PLEKHH2: variants seen among roughly 807,000 people sequenced by gnomAD.
PLEKHH2 encodes pleckstrin homology domain-containing family H member 2.
In PLEKHH2, 129 loss-of-function variants were observed where a neutral mutation model predicts 187.9. The observed-to-expected ratio is 0.69, with a 90% CI of 0.59 to 0.79. The LOEUF (loss-of-function observed/expected upper bound fraction) is 0.79, where lower values mean the gene tolerates loss of function less well. Among genes scored for constraint, PLEKHH2 ranks in the 30% least tolerant of loss-of-function variants. PLEKHH2 has a pLI of 0.00. For synonymous variants in PLEKHH2, 686 were observed against 605.6 expected (o/e 1.13, Z -1.95); for missense variants, 2,076 against 1,751.2 (o/e 1.19, Z -3.31).
In PLEKHH2 at chr2:43,766,771, T is replaced by C. The variant is rs1384142811; in HGVS notation, c.*1173T>C. The C allele has an allele frequency of 6.6e-6, 1 of 152,054 alleles. No individual in the cohort carries two copies. Among genetic ancestry groups the C allele is most frequent in the East Asian group, 1.9e-4 (1 of 5,180 alleles). The allele number at this position is 152,054 out of a possible 1,614,324, so 9.4% of individuals were successfully genotyped here. ...CACCACCATGCCCATCTAATATTTG[T>C]ATTTTTAGTAGAGACAGGATCTCCC... is the stretch of plus-strand genomic sequence containing the variant. On this transcript the variant is annotated 3_prime_UTR_variant, in exon 30 of 30. Transcript: ENST00000282406.
At chr2:43,678,745 T>C (rs1476676850) in intron 2 of PLEKHH2, 118 bp from the exon 3 acceptor site, 3 of 624,108 alleles carry the variant, frequency 4.8e-6, no homozygotes, top group Non-Finnish European at 8.6e-6. Flanking sequence ...GAAGTGGAGG[T>C]GGAGGTGGAG....
Position 43,712,719 on chromosome 2 carries a change from C to T in PLEKHH2, c.2460+336C>T, listed in dbSNP as rs145696758. On this transcript the variant is annotated intron_variant, in intron 15 of 29. Coordinates refer to ENST00000282406, the MANE Select transcript of PLEKHH2 (RefSeq NM_172069.4). ...AACACGTTTTTTTCTAATCAGTAAG[C>T]AAACAATGAACACCAATTGGGGGAA... 3.5e-3 allele frequency among the ~76,000 whole-genome samples: 537 copies of T among 152,032 alleles called. 2 individuals carry two copies. The highest frequency in any genetic ancestry group is 0.013 in the African/African-American group (518 of 41,438).
In PLEKHH2 at chr2:43,729,653, A is replaced by T; in HGVS notation, c.2738A>T (p.His913Leu). The T allele has an allele frequency of 6.2e-7, 1 of 1,602,010 alleles. No individual in the cohort carries two copies. The highest frequency in any genetic ancestry group is 8.5e-7 in the Non-Finnish European group (1 of 1,175,810). The change falls in exon 18 of 30, where the codon CAT (histidine) becomes CTT (leucine). Residue 913 changes from histidine to leucine, a missense_variant. Coordinates refer to ENST00000282406, the MANE Select transcript of PLEKHH2 (RefSeq NM_172069.4). ...SKHEKDTWLY[H>L]LTVAAGSNNV... ...GGTTTTAAGGACACTTGGCTTTATCATCTGACTGTTGCAGCTGGAAGCAAC... is the reference window on the plus strand; with the variant it reads ...GGTTTTAAGGACACTTGGCTTTATCTTCTGACTGTTGCAGCTGGAAGCAAC...
chr2:43,705,675 G>A (rs762210534), intron 9 of PLEKHH2, among the ~76,000 whole-genome samples: 1 of 152,158 alleles, frequency 6.6e-6, no homozygotes, highest in East Asian at 1.9e-4. Context: ...AGGCTGTAGT[G>A]CAGTGGCATG....
At chr2:43,759,391 G>C (rs528025240) in intron 27 of PLEKHH2, among the ~76,000 whole-genome samples, 1 of 152,312 alleles carries the variant, frequency 6.6e-6, no homozygotes, top group Non-Finnish European at 1.5e-5. Context: ...CTAAGCTCTA[G>C]GGATACATAA....
rs1411193061 is a variant in PLEKHH2 at position 43,765,635 on chromosome 2, AT to A, written c.*38del. On this transcript the variant is annotated 3_prime_UTR_variant, in exon 30 of 30. Transcript: ENST00000282406. The stretch of plus-strand genomic sequence containing the variant: ...CCTGAACATTCACTCCTTGTCCTCC[AT>A]GCTGTGGCTGTATCAGCTCCCTACA... 3.1e-6 allele frequency: 5 copies of A among 1,592,576 alleles called. No individual in the cohort carries two copies. In the African/African-American group the frequency reaches 6.7e-5, roughly 21 times the overall value.
intron 2 of PLEKHH2, chr2:43,675,333 T>G: frequency 7.2e-7 from 1 of 1,397,224 alleles, no homozygotes; most frequent in Non-Finnish European, 9.6e-7. Flanking sequence ...TAGCCACATT[T>G]CAAGTGCTCT....
chr2:43,746,046 A>T, intron 24 of PLEKHH2, 83 bp downstream of exon 24: 1 of 775,958 alleles, frequency 1.3e-6, no homozygotes, highest in South Asian at 3.2e-5. Context: ...TTTCTATTGA[A>T]TGCCTTAAAA....
At chr2:43,643,901 C>T (rs933453875) in intron 1 of PLEKHH2, among the ~76,000 whole-genome samples, 6 of 152,134 alleles carry the variant, frequency 3.9e-5, no homozygotes, top group African/African-American at 1.2e-4. Flanking sequence ...TGTCCTCCCC[C>T]TTACAGTGCT....
chr2:43,762,815 A>G (rs530053762), intron 28 of PLEKHH2, among the ~76,000 whole-genome samples: 52 of 152,344 alleles, frequency 3.4e-4, no homozygotes, highest in African/African-American at 1.2e-3. Context: ...TTTATATAGC[A>G]TCTTAGCACT....
chr2:43,679,098 A>C (rs1456631007), intron 3 of PLEKHH2, among the ~76,000 whole-genome samples, 173 bp downstream of exon 3: 1 of 152,296 alleles, frequency 6.6e-6, no homozygotes, highest in Admixed American at 6.5e-5. Context: ...TCCATTAACA[A>C]ATTTTCAAAA....
rs1354299717 is a variant in PLEKHH2, at chr2:43,747,681, T to G, written c.3653+1718T>G. Among the ~76,000 whole-genome samples the G allele has an allele frequency of 3.9e-5, 6 of 152,182 alleles. No homozygotes were observed. The East Asian group carries it at 1.2e-3, about 29-fold the overall frequency. On this transcript the variant is annotated intron_variant, in intron 24 of 29. Transcript: ENST00000282406. ...TGTTAACTGACCAGCTCACATTAAT[T>G]ATAACAAAATAATGGTATTTTGCTG...
chr2:43,746,606 T>C (rs1671787455), intron 24 of PLEKHH2, among the ~76,000 whole-genome samples: 1 of 152,196 alleles, frequency 6.6e-6, no homozygotes, highest in African/African-American at 2.4e-5. Flanking sequence ...GAGTAGTTGA[T>C]ACAAGGATGC....
intron 4 of PLEKHH2, among the ~76,000 whole-genome samples, chr2:43,692,895 C>T (rs183177138): frequency 9.2e-5 from 14 of 152,146 alleles, no homozygotes; most frequent in Middle Eastern, 3.4e-3. Context: ...TGAGAATGCT[C>T]GTTAATATTC....
chr2:43,702,798 A>G (rs911223145), intron 8 of PLEKHH2, among the ~76,000 whole-genome samples: 4 of 152,168 alleles, frequency 2.6e-5, no homozygotes, highest in African/African-American at 9.7e-5. Context: ...TGCAAATTAC[A>G]ATAGTCACTC....
At chr2:43,696,260 GC>G (rs1669084353) in intron 6 of PLEKHH2, among the ~76,000 whole-genome samples, 1 of 152,072 alleles carries the variant, frequency 6.6e-6, no homozygotes, top group African/African-American at 2.4e-5. Context: ...ACTGCTTGAG[GC>G]CAGGAGTTTG....
At chr2:43,651,297 G>A (rs1401373125) in intron 2 of PLEKHH2, among the ~76,000 whole-genome samples, 1 of 151,820 alleles carries the variant, frequency 6.6e-6, no homozygotes, top group East Asian at 1.9e-4. Flanking sequence ...TCGAACTCCT[G>A]ACCTTGTGAT....
At chr2:43,640,772 A>T (rs1353254413) in intron 1 of PLEKHH2, among the ~76,000 whole-genome samples, 1 of 151,298 alleles carries the variant, frequency 6.6e-6, no homozygotes, top group Non-Finnish European at 1.5e-5. Flanking sequence ...TTATTTATTT[A>T]TTTTTAATTT....
At chr2:43,751,399 C>T (rs949720977) in intron 24 of PLEKHH2, among the ~76,000 whole-genome samples, 3 of 152,080 alleles carry the variant, frequency 2.0e-5, no homozygotes, top group Admixed American at 6.6e-5. Flanking sequence ...CAGGCTTTCC[C>T]CCCAGTAAGT....
Sources: gnomAD v4.1 joint callset for allele counts (sites outside exome capture counted in the v4.1 genomes callset) on GRCh38, gnomAD v4.1.1 for gene constraint, MANE v1.5 for transcripts, NCBI Gene and HGNC (gene_info 2026-07-23, HGNC 2026-07-21) for gene names.